PHACTR2: variants seen among roughly 807,000 people sequenced by gnomAD.
The protein encoded by PHACTR2 is phosphatase and actin regulator 2.
PHACTR2 carries 30 observed loss-of-function variants against 76.0 expected under a neutral mutation model. That is an observed-to-expected ratio of 0.39 (90% CI 0.30 to 0.54). PHACTR2 has a LOEUF of 0.54. PHACTR2 is among the 20% of genes least tolerant of loss of function. The pLI is 0.61. For missense variants in PHACTR2, 696 were observed against 781.1 expected (o/e 0.89, Z 1.30); for synonymous variants, 292 against 292.5 (o/e 1.00, Z 0.02).
Position 143,678,231 on chromosome 6 carries a change from T to G in PHACTR2, c.46+22T>G. 2 of 1,477,226 alleles carry G rather than the reference T, an allele frequency of 1.4e-6. No individual in the cohort carries two copies. The highest frequency in any genetic ancestry group is 1.8e-6 in the Non-Finnish European group (2 of 1,115,296). 91.5% of individuals were successfully genotyped at this position (1,477,226 alleles called of 1,614,324 possible). A position where few individuals can be genotyped will look rare whatever the true frequency, so the allele number is the denominator to read the frequency against. Reference sequence around the variant, plus strand: ...AGCGGTGAGTCCGGGGCGCACGCGATGCGCTCCCGCCGCGCGGGCGCAGGG... The same window carrying G: ...AGCGGTGAGTCCGGGGCGCACGCGAGGCGCTCCCGCCGCGCGGGCGCAGGG... On this transcript the variant is annotated intron_variant, in intron 1 of 12. Coordinates refer to ENST00000440869, the MANE Select transcript of PHACTR2 (RefSeq NM_001100164.2). This position sits in a 1 kb window ranked among gnomAD's most constrained non-coding sequence, Gnocchi z 6.2.
At chr6:143,713,015 G>A (rs939135355) in intron 2 of PHACTR2, among the ~76,000 whole-genome samples, 1 of 152,188 alleles carries the variant, frequency 6.6e-6, no homozygotes, top group African/African-American at 2.4e-5. Context: ...CGTTCCCCAT[G>A]CTTACTGTCC....
intron 1 of PHACTR2, among the ~76,000 whole-genome samples, chr6:143,576,162 C>T (rs146446660): frequency 4.6e-3 from 705 of 152,316 alleles, no homozygotes; most frequent in Non-Finnish European, 7.5e-3. Context: ...CATTAGATTA[C>T]TCTTTGTGTG....
In PHACTR2 at chr6:143,610,956, T is replaced by C. The variant is rs1775965077; in HGVS notation, c.13+2634T>C. 6.6e-6 allele frequency among the ~76,000 whole-genome samples: 1 copy of C among 152,150 alleles called. No individual in the cohort carries two copies. Among genetic ancestry groups the C allele is most frequent in the Non-Finnish European group, 1.5e-5 (1 of 68,038 alleles). On this transcript the variant is annotated intron_variant, in intron 1 of 11. Transcript: ENST00000305766. The surrounding 1 kb of genome is among the most constrained non-coding windows in gnomAD (Gnocchi z 4.9). The stretch of plus-strand genomic sequence containing the variant: ...GAAGTTATATAACAAGTCAAATAGA[T>C]GGTGCTTTAGAATGGCACACCTGTG...
At chr6:143,644,232 C>T (rs1409086085) in intron 1 of PHACTR2, among the ~76,000 whole-genome samples, 1 of 151,982 alleles carries the variant, frequency 6.6e-6, no homozygotes, top group Non-Finnish European at 1.5e-5. Flanking sequence ...ATAGTACAGG[C>T]TAAGGCGGGT....
chr6:143,673,016 C>G (rs993114947), upstream of PHACTR2, among the ~76,000 whole-genome samples: 20 of 152,182 alleles, frequency 1.3e-4, no homozygotes, highest in Non-Finnish European at 2.1e-4. Flanking sequence ...TGAGTCACCA[C>G]TCCCAGCTGG....
chr6:143,699,005 G>A (rs1335999440), intron 1 of PHACTR2, among the ~76,000 whole-genome samples: 1 of 152,120 alleles, frequency 6.6e-6, no homozygotes, highest in East Asian at 1.9e-4. Context: ...CGCTGACATT[G>A]CATCAACTCC....
chr6:143,736,235 A>C (rs977013527), intron 2 of PHACTR2, among the ~76,000 whole-genome samples: 7 of 152,156 alleles, frequency 4.6e-5, no homozygotes, highest in Non-Finnish European at 1.0e-4. Flanking sequence ...CAATCTTCTC[A>C]GTTACCCTAT....
Position 143,648,074 on chromosome 6 carries a change from G to A in PHACTR2, c.13+39752G>A, listed in dbSNP as rs1776691378. Among the ~76,000 whole-genome samples, 1 of 152,168 alleles carries A rather than the reference G, an allele frequency of 6.6e-6. No individual in the cohort carries two copies. The highest frequency in any genetic ancestry group is 2.1e-4 in the South Asian group (1 of 4,812). On this transcript the variant is annotated intron_variant, in intron 1 of 11. Coordinates refer to the PHACTR2 transcript ENST00000305766. The surrounding 1 kb of genome is among the most constrained non-coding windows in gnomAD (Gnocchi z 6.7). ...ACAGAGCCACAACAGTTGGGAACTGGTGGGTGATGACATTTGGGGTCTGTT... is the reference window on the plus strand; with the variant it reads ...ACAGAGCCACAACAGTTGGGAACTGATGGGTGATGACATTTGGGGTCTGTT...
In PHACTR2 at chr6:143,646,899, A is replaced by G. The variant is rs1448448340; in HGVS notation, c.13+38577A>G. 6.6e-6 allele frequency among the ~76,000 whole-genome samples: 1 copy of G among 152,220 alleles called. No homozygotes were observed. The highest frequency in any genetic ancestry group is 1.9e-4 in the East Asian group (1 of 5,196). On this transcript the variant is annotated intron_variant, in intron 1 of 11. Coordinates refer to the PHACTR2 transcript ENST00000305766. This position sits in a 1 kb window ranked among gnomAD's most constrained non-coding sequence, Gnocchi z 4.1. ...CATCCTTAGTTATGTTTGTTGTTCT[A>G]ACATAACAGTCTTCTGATCACGATG... is the stretch of plus-strand genomic sequence containing the variant.
In PHACTR2 at chr6:143,633,576, T is replaced by G. The variant is rs542859557; in HGVS notation, c.13+25254T>G. On this transcript the variant is annotated intron_variant, in intron 1 of 11. Coordinates refer to the PHACTR2 transcript ENST00000305766. This position sits in a 1 kb window ranked among gnomAD's most constrained non-coding sequence, Gnocchi z 4.1. Reference sequence around the variant, plus strand: ...CAGATATGTCTTCTGCAAGTAGTTTTTCCCAGTCTGTGGCTTGTCTTCTCA... The same window carrying G: ...CAGATATGTCTTCTGCAAGTAGTTTGTCCCAGTCTGTGGCTTGTCTTCTCA... Among the ~76,000 whole-genome samples the G allele has an allele frequency of 1.2e-4, 18 of 152,338 alleles. No homozygotes were observed. Among genetic ancestry groups the G allele is most frequent in the African/African-American group, 4.3e-4 (18 of 41,580 alleles).
chr6:143,713,660 T>C (rs1778234092), intron 2 of PHACTR2, among the ~76,000 whole-genome samples: 1 of 152,142 alleles, frequency 6.6e-6, no homozygotes, highest in South Asian at 2.1e-4. Context: ...AATCGGGTAG[T>C]TGAATGTGCT....
chr6:143,673,194 T>G (rs1777187010), upstream of PHACTR2, among the ~76,000 whole-genome samples: 1 of 152,102 alleles, frequency 6.6e-6, no homozygotes. Context: ...CCTCAGTCAA[T>G]TCTAGGTGAA....
intron 11 of PHACTR2, among the ~76,000 whole-genome samples, chr6:143,798,468 T>C (rs888959142): frequency 2.0e-5 from 3 of 152,232 alleles, no homozygotes; most frequent in African/African-American, 7.2e-5. Context: ...GTCATCCTTG[T>C]CTTGTGCCGG....
In PHACTR2 at chr6:143,722,139, T is replaced by G. The variant is rs1457845746; in HGVS notation, c.214+9956T>G. Among the ~76,000 whole-genome samples, 1 of 152,202 alleles carries G rather than the reference T, an allele frequency of 6.6e-6. No individual in the cohort carries two copies. The highest frequency in any genetic ancestry group is 1.5e-5 in the Non-Finnish European group (1 of 68,032). On this transcript the variant is annotated intron_variant, in intron 2 of 12. Transcript: ENST00000440869. The surrounding 1 kb of genome is among the most constrained non-coding windows in gnomAD (Gnocchi z 4.1). ...TGAAAACTCTCTATCACTTTTCTGCTTATTTAATGTTCTCTTTGTGGAAAA... is the reference window on the plus strand; with the variant it reads ...TGAAAACTCTCTATCACTTTTCTGCGTATTTAATGTTCTCTTTGTGGAAAA...
At position 143,698,996 on chromosome 6, in the gene PHACTR2, G is replaced by A. The variant is rs922532620; in HGVS notation, c.47-13020G>A. ...CTTTACCTCTCCTATCACAGGGGGC[G>A]CTGACATTGCATCAACTCCCCAGTG... On this transcript the variant is annotated intron_variant, in intron 1 of 12. Transcript: ENST00000440869. The surrounding 1 kb of genome is among the most constrained non-coding windows in gnomAD (Gnocchi z 4.3). Among the ~76,000 whole-genome samples, 7 of 152,084 alleles carry A rather than the reference G, an allele frequency of 4.6e-5. No homozygotes were observed. Among genetic ancestry groups the A allele is most frequent in the African/African-American group, 9.7e-5 (4 of 41,392 alleles).
At chr6:143,665,062 G>A (rs1309931508) in intron 1 of PHACTR2, among the ~76,000 whole-genome samples, 1 of 152,070 alleles carries the variant, frequency 6.6e-6, no homozygotes, top group African/African-American at 2.4e-5. Context: ...GCCTCCCAAA[G>A]TGCTGGGATT....
intron 1 of PHACTR2, among the ~76,000 whole-genome samples, chr6:143,703,270 A>G (rs1777959602): frequency 6.6e-6 from 1 of 152,026 alleles, no homozygotes; most frequent in Non-Finnish European, 1.5e-5. Context: ...TGGAAGAAGC[A>G]TAAGGAGGAT....
In PHACTR2 at chr6:143,599,707, A is replaced by G. The variant is rs1303401017; in HGVS notation, c.217+62500A>G. On this transcript the variant is annotated intron_variant, in intron 1 of 11. Coordinates refer to the PHACTR2 transcript ENST00000367584. The surrounding 1 kb of genome is among the most constrained non-coding windows in gnomAD (Gnocchi z 4.6). ...CCTTGCTAGCCTATAAGAACAGCTC[A>G]TTAAGATCCAACCTATACCTTTCCC... 6.6e-6 allele frequency among the ~76,000 whole-genome samples: 1 copy of G among 152,214 alleles called. No individual in the cohort carries two copies. The highest frequency in any genetic ancestry group is 1.9e-4 in the East Asian group (1 of 5,196).
Position 143,725,951 on chromosome 6 carries a change from A to C in PHACTR2, c.214+13768A>C, listed in dbSNP as rs116775978. ...GGTTGTTGCATGTATTCATCATTCCATTTTTTGTTGAATAGTATTTCATGG... is the reference window on the plus strand; with the variant it reads ...GGTTGTTGCATGTATTCATCATTCCCTTTTTTGTTGAATAGTATTTCATGG... On this transcript the variant is annotated intron_variant, in intron 2 of 12. Coordinates refer to ENST00000440869, the MANE Select transcript of PHACTR2 (RefSeq NM_001100164.2). Among the ~76,000 whole-genome samples, 498 of 152,274 alleles carry C rather than the reference A, an allele frequency of 3.3e-3. 3 individuals carry two copies. The highest frequency in any genetic ancestry group is 0.011 in the African/African-American group (449 of 41,566).
Sources: allele counts gnomAD v4.1 joint callset (sites outside exome capture counted in the v4.1 genomes callset), GRCh38; gene constraint gnomAD v4.1.1; non-coding constraint Gnocchi (gnomAD v3.1); transcripts MANE v1.5; gene names NCBI Gene and HGNC (gene_info 2026-07-23, HGNC 2026-07-21).